The following NUMA1 variants were observed in gnomAD, a reference collection of about 807,000 sequenced individuals.
NUMA1 encodes SP-H antigen.
A neutral mutation model predicts 237.1 loss-of-function variants in NUMA1; 62 were observed. That is an observed-to-expected ratio of 0.26 (90% CI 0.21 to 0.32). NUMA1 has a LOEUF of 0.32. Among genes scored for constraint, NUMA1 ranks in the 10% least tolerant of loss-of-function variants. The pLI, the probability that NUMA1 is intolerant of heterozygous loss-of-function variation, is 1.00. For synonymous variants in NUMA1, 1,028 were observed against 1,066.1 expected (o/e 0.96, Z 0.70); for missense variants, 2,533 against 2,666.5 (o/e 0.95, Z 1.10).
intron 1 of NUMA1, among the ~76,000 whole-genome samples, chr11:72,077,001 G>C (rs772385433): frequency 6.6e-6 from 1 of 152,052 alleles, no homozygotes; most frequent in African/African-American, 2.4e-5. Context: ...GAAAAAGTTA[G>C]CTAATAAAAA....
At chr11:72,063,646 A>G (rs1281320807) in intron 2 of NUMA1, among the ~76,000 whole-genome samples, 2 of 149,272 alleles carry the variant, frequency 1.3e-5, no homozygotes, top group Non-Finnish European at 3.0e-5. Flanking sequence ...GCTGGGTACA[A>G]TGGTTGAAGC....
At chr11:72,020,976 A>G (rs1487429434) in intron 8 of NUMA1, 1 of 505,762 alleles carries the variant, frequency 2.0e-6, no homozygotes, top group Non-Finnish European at 3.5e-6. Context: ...GATCACTTGT[A>G]AATATCCTAC....
At chr11:72,007,630 C>G (rs1304041781) in intron 20 of NUMA1, 195 bp from the exon 21 acceptor site, 6 of 666,036 alleles carry the variant, frequency 9.0e-6, no homozygotes, top group South Asian at 1.7e-5. Context: ...CTGGCTTCTC[C>G]TAATAGCTCC....
intron 21 of NUMA1, 49 bp from the exon 22 acceptor site, chr11:72,006,312 C>T: frequency 2.0e-6 from 3 of 1,524,556 alleles, no homozygotes; most frequent in Non-Finnish European, 2.7e-6. Flanking sequence ...TGGCACTGTA[C>T]AGAAGCTTCC....
intron 2 of NUMA1, among the ~76,000 whole-genome samples, chr11:72,040,420 T>G (rs1018496792): frequency 2.0e-5 from 3 of 150,548 alleles, no homozygotes; most frequent in African/African-American, 7.3e-5. Context: ...CCTGCAGCCA[T>G]GTATTGTACT....
chr11:72,073,080 C>A (rs1414132209), intron 1 of NUMA1, among the ~76,000 whole-genome samples: 2 of 133,216 alleles, frequency 1.5e-5, no homozygotes, highest in Admixed American at 7.6e-5. Flanking sequence ...CTGCCTAGGC[C>A]AGGCACAATG....
At chr11:72,036,601 G>T (rs1941049690) in intron 2 of NUMA1, among the ~76,000 whole-genome samples, 1 of 152,134 alleles carries the variant, frequency 6.6e-6, no homozygotes, top group African/African-American at 2.4e-5. Context: ...CTAGTTTCTG[G>T]ATTTTTATAT....
At chr11:72,019,731 T>C (rs1938467665) in intron 8 of NUMA1, 114 bp from the exon 9 acceptor site, 1 of 1,154,224 alleles carries the variant, frequency 8.7e-7, no homozygotes, top group Non-Finnish European at 1.2e-6. Context: ...CCATGGATAC[T>C]TATATGTAAA....
intron 1 of NUMA1, 189 bp downstream of exon 1, chr11:72,080,269 C>G (rs1944039541): frequency 7.8e-4 from 2 of 2,554 alleles, no homozygotes; most frequent in Admixed American, 3.8e-3. Context: ...TTAAGGCACC[C>G]CCCCCCCCCC....
chr11:72,062,293 T>A (rs935700711), intron 2 of NUMA1, among the ~76,000 whole-genome samples: 1 of 152,120 alleles, frequency 6.6e-6, no homozygotes, highest in African/African-American at 2.4e-5. Flanking sequence ...ATCTTTTTAA[T>A]TTCTCCTCGC....
At position 72,024,075 on chromosome 11, in the gene NUMA1, G is replaced by A. The variant is rs1245315554; in HGVS notation, c.208+199C>T. On this transcript the variant is annotated intron_variant, in intron 5 of 26. Coordinates refer to ENST00000393695, the MANE Select transcript of NUMA1 (RefSeq NM_006185.4). ...TCCGAGAAGGGCTCTGGGACTGAAG[G>A]GACACTCTTCTTACACCAACTGATG... is the stretch of plus-strand genomic sequence containing the variant. 7.2e-6 allele frequency: 4 copies of A among 558,440 alleles called. No individual in the cohort carries two copies. In the East Asian group the frequency reaches 1.2e-4, roughly 17 times the overall value. The allele number at this position is 558,440 out of a possible 1,614,324, so 34.6% of individuals were successfully genotyped here.
At chr11:72,016,780 A>C (rs1937844553) in intron 13 of NUMA1, 1 of 482,580 alleles carries the variant, frequency 2.1e-6, no homozygotes, top group Non-Finnish European at 3.7e-6. Flanking sequence ...TGCTGAGTTT[A>C]CTTCAAATTT....
chr11:72,028,640 T>A (rs532658352), intron 4 of NUMA1, among the ~76,000 whole-genome samples: 14 of 152,298 alleles, frequency 9.2e-5, no homozygotes, highest in South Asian at 6.2e-4. Flanking sequence ...AACAAGCTTA[T>A]TAAATGCTCA....
At position 72,013,358 on chromosome 11, in the gene NUMA1, C is replaced by T. The variant is rs749712733; in HGVS notation, c.4145G>A (p.Arg1382His). 6.8e-6 allele frequency: 11 copies of T among 1,609,362 alleles called. No homozygotes were observed. The highest frequency in any genetic ancestry group is 2.2e-5 in the East Asian group (1 of 44,866). Residue 1382 changes from arginine to histidine, a missense_variant, in exon 15 of 27, where the codon CGT (arginine) becomes CAT (histidine). By Grantham distance (29) the Arg-to-His change is conservative (BLOSUM62 0). This residue lies in a region of NUMA1 where 324 missense variants were observed against 407.6 expected (regional missense o/e 0.79). Coordinates refer to ENST00000393695, the MANE Select transcript of NUMA1 (RefSeq NM_006185.4). This position sits in a 1 kb window ranked among gnomAD's most constrained non-coding sequence, Gnocchi z 6.8. ...AEQAAAEKRH[R>H]EELEQSKQAA... is the part of the protein sequence containing the mutation. ...CTGCTTGCTCTGCTCCAGCTCCTCA[C>T]GGTGGCGTTTCTCGGCAGCGGCCTG...
At position 72,035,995 on chromosome 11, in the gene NUMA1, G is replaced by A. The variant is rs369253097; in HGVS notation, c.-32-20C>T. On this transcript the variant is annotated intron_variant, in intron 2 of 26. Coordinates refer to ENST00000393695, the MANE Select transcript of NUMA1 (RefSeq NM_006185.4). The stretch of plus-strand genomic sequence containing the variant: ...ATGCGCCTGGAACCCAAGAGAGGAA[G>A]AAAAGCAGTTAATCATATCAGATAT... 5.4e-5 allele frequency: 85 copies of A among 1,575,772 alleles called. No homozygotes were observed. Among genetic ancestry groups the A allele is most frequent in the Non-Finnish European group, 7.0e-5 (80 of 1,145,494 alleles).
chr11:72,012,056 T>C (rs1434438756), intron 16 of NUMA1, among the ~76,000 whole-genome samples: 27 of 152,236 alleles, frequency 1.8e-4, no homozygotes. Context: ...TCGGGTATCC[T>C]TAACTAGACA....
rs771023918 is a variant in NUMA1, at chr11:72,004,202, TCCCCCTTCAG to T, written c.6123+13_6123+22del. The T allele has an allele frequency of 1.9e-6, 3 of 1,605,308 alleles. No individual in the cohort carries two copies. In the South Asian group the frequency reaches 3.3e-5, roughly 18 times the overall value. ...AAGGTCCCGCCAGGGCGTCGCTTCA[TCCCCCTTCAG>T]CCCCAGCCTCACCTGTTTAGTAGAA... On this transcript the variant is annotated intron_variant, in intron 25 of 26. Transcript: ENST00000393695.
intron 2 of NUMA1, among the ~76,000 whole-genome samples, chr11:72,050,395 G>A (rs1942272567): frequency 6.6e-6 from 1 of 152,122 alleles, no homozygotes; most frequent in Non-Finnish European, 1.5e-5. Context: ...ACATGAATAT[G>A]AGTTCTAAAC....
rs1380508227 is a variant in NUMA1 at position 72,059,559 on chromosome 11, A to G, written c.-33+10283T>C. Among the ~76,000 whole-genome samples the G allele has an allele frequency of 9.2e-5, 14 of 152,294 alleles. No individual in the cohort carries two copies. In the East Asian group the frequency reaches 2.7e-3, roughly 29 times the overall value. On this transcript the variant is annotated intron_variant, in intron 2 of 26. Coordinates refer to ENST00000393695, the MANE Select transcript of NUMA1 (RefSeq NM_006185.4). ...GCTGGGATTACAGGTGTGAGCTATC[A>G]TGGCTGGCAATTCCTTAAACTTTTA...
Sources: allele counts gnomAD v4.1 joint callset (sites outside exome capture counted in the v4.1 genomes callset), GRCh38; gene constraint gnomAD v4.1.1; regional missense constraint gnomAD v4.1.1; non-coding constraint Gnocchi (gnomAD v3.1); transcripts MANE v1.5; gene names NCBI Gene and HGNC (gene_info 2026-07-23, HGNC 2026-07-21).